FANCD2: variants seen among roughly 807,000 people sequenced by gnomAD.
The protein encoded by FANCD2 is FA complementation group D2.
Under a neutral mutation model 192.3 loss-of-function variants are expected in FANCD2, and 131 were observed. That is an observed-to-expected ratio of 0.68 (90% CI 0.59 to 0.79). The LOEUF is 0.79. Among genes scored for constraint, FANCD2 ranks in the 30% least tolerant of loss-of-function variants. FANCD2 has a pLI of 0.00. For missense variants in FANCD2, 1,508 were observed against 1,701.6 expected (o/e 0.89, Z 2.00); for synonymous variants, 524 against 612.5 (o/e 0.86, Z 2.13).
intron 7 of FANCD2, 147 bp downstream of exon 7, chr3:10,036,486 C>T (rs139107010): frequency 2.3e-5 from 15 of 638,338 alleles, no homozygotes; most frequent in South Asian, 3.4e-5. Context: ...ACTGGAGTGT[C>T]TTTGAAGTTT....
At chr3:10,050,480 G>A (rs575027732) in intron 17 of FANCD2, among the ~76,000 whole-genome samples, 8 of 151,900 alleles carry the variant, frequency 5.3e-5, no homozygotes, top group South Asian at 2.1e-4. Context: ...AAAATTAGCC[G>A]GGCATCGTGG....
rs567867231 is a variant in FANCD2 at position 10,056,130 on chromosome 3, C to T, written c.1656+3633C>T. ...CTCACCTCAGGTGATCCGCCTGCCT[C>T]GGCCTCCCAAAGTGCTAGGACTACA... On this transcript the variant is annotated intron_variant, in intron 18 of 43. Coordinates refer to ENST00000675286, the MANE Select transcript of FANCD2 (RefSeq NM_001018115.3). 4.0e-4 allele frequency among the ~76,000 whole-genome samples: 61 copies of T among 152,322 alleles called. 1 individual carries two copies. Among genetic ancestry groups the T allele is most frequent in the Admixed American group, 5.2e-4 (8 of 15,308 alleles).
intron 2 of FANCD2, among the ~76,000 whole-genome samples, chr3:10,031,514 AAAAG>A (rs1206353958): frequency 1.4e-4 from 22 of 152,004 alleles, no homozygotes; most frequent in Non-Finnish European, 2.1e-4. Flanking sequence ...AAAAAAAAAA[AAAAG>A]AAAGAGGGAG....
At chr3:10,066,465 G>A (rs2087721746) in intron 25 of FANCD2, among the ~76,000 whole-genome samples, 1 of 152,174 alleles carries the variant, frequency 6.6e-6, no homozygotes, top group Non-Finnish European at 1.5e-5. Context: ...GATACGGGCA[G>A]GATAGCTATT....
At chr3:10,079,852 G>A (rs1374886014) in intron 30 of FANCD2, among the ~76,000 whole-genome samples, 1 of 152,018 alleles carries the variant, frequency 6.6e-6, no homozygotes, top group Non-Finnish European at 1.5e-5. Flanking sequence ...CTTGGGTCTT[G>A]GGTATAAGCA....
In FANCD2 at chr3:10,070,668, C is replaced by T. The variant is rs1272591040; in HGVS notation, c.2495-2203C>T. Reference sequence around the variant, plus strand: ...TGAGAACAGGCCGGGATGACAATGGCGGTTTTGTGGAATAGAAAGGGGGGA... The same window carrying T: ...TGAGAACAGGCCGGGATGACAATGGTGGTTTTGTGGAATAGAAAGGGGGGA... On this transcript the variant is annotated intron_variant, in intron 26 of 43. Transcript: ENST00000675286. 1.1e-3 allele frequency among the ~76,000 whole-genome samples: 164 copies of T among 142,864 alleles called. 1 individual carries two copies. Among genetic ancestry groups the T allele is most frequent in the African/African-American group, 3.7e-3 (145 of 38,806 alleles). 93.7% of individuals were successfully genotyped at this position (142,864 alleles called of 152,430 possible).
intron 18 of FANCD2, among the ~76,000 whole-genome samples, chr3:10,056,961 C>T (rs1216598310): frequency 6.6e-6 from 1 of 152,012 alleles, no homozygotes; most frequent in Non-Finnish European, 1.5e-5. Context: ...CTCAAGCGAT[C>T]CTCCCATGTC....
chr3:10,055,929 A>G (rs565130846), intron 18 of FANCD2, among the ~76,000 whole-genome samples: 1 of 152,222 alleles, frequency 6.6e-6, no homozygotes, highest in South Asian at 2.1e-4. Flanking sequence ...CCCAGGCTTG[A>G]GTGCAATGGC....
intron 10 of FANCD2, 109 bp downstream of exon 10, chr3:10,041,819 A>T: frequency 2.6e-6 from 2 of 777,376 alleles, no homozygotes; most frequent in Non-Finnish European, 2.3e-6. Context: ...TTGAAACCAT[A>T]GTGAATCACA....
intron 43 of FANCD2, 43 bp downstream of exon 43, chr3:10,098,858 A>G: frequency 6.2e-7 from 1 of 1,614,186 alleles, no homozygotes; most frequent in Non-Finnish European, 8.5e-7. Flanking sequence ...TGATGGTTGC[A>G]TTTTGTTAAT....
chr3:10,033,596 C>T (rs1160206634), intron 3 of FANCD2, among the ~76,000 whole-genome samples: 1 of 151,290 alleles, frequency 6.6e-6, no homozygotes, highest in Non-Finnish European at 1.5e-5. Flanking sequence ...TTTATAAAGC[C>T]ATATAAGATT....
intron 30 of FANCD2, among the ~76,000 whole-genome samples, chr3:10,080,710 G>A (rs769813552): frequency 3.3e-5 from 5 of 152,194 alleles, no homozygotes; most frequent in Non-Finnish European, 7.3e-5. Context: ...ATTCAAGGCT[G>A]CAGTGAGCTG....
rs1188790395 is a variant in FANCD2 at position 10,043,516 on chromosome 3, G to T, written c.1022G>T (p.Ser341Ile). ...SSGNQESSGQSCIILLFDVIK... is the reference protein window; with the variant it reads ...SSGNQESSGQICIILLFDVIK... ...GGAAATCAAGAAAGCAGCGGTCAGA[G>T]CTGTATTATTCTCCTCTTTGATGTA... The change falls in exon 13 of 44, where the codon AGC (serine) becomes ATC (isoleucine). Residue 341 changes from serine (S) to isoleucine (I), a missense_variant. By Grantham distance (142) the Ser-to-Ile change is moderately radical. Coordinates refer to ENST00000675286, the MANE Select transcript of FANCD2 (RefSeq NM_001018115.3). The T allele has an allele frequency of 1.2e-6, 2 of 1,613,894 alleles. No individual in the cohort carries two copies. The highest frequency in any genetic ancestry group is 1.7e-6 in the Non-Finnish European group (2 of 1,179,806).
chr3:10,048,272 C>T (rs2087087798), intron 16 of FANCD2, among the ~76,000 whole-genome samples: 1 of 152,224 alleles, frequency 6.6e-6, no homozygotes, highest in South Asian at 2.1e-4. Flanking sequence ...AATTAAGATC[C>T]AGATCTAGTC....
chr3:10,027,902 C>G (rs758130998), intron 1 of FANCD2, among the ~76,000 whole-genome samples: 3 of 77,430 alleles, frequency 3.9e-5, no homozygotes, highest in African/African-American at 9.0e-5. Flanking sequence ...GAGACTCCGT[C>G]TCAAAAAAAA....
chr3:10,041,751 C>A, intron 10 of FANCD2, 41 bp downstream of exon 10: 1 of 1,392,756 alleles, frequency 7.2e-7, no homozygotes, highest in Non-Finnish European at 1.0e-6. Flanking sequence ...GCCAGCTTTC[C>A]AACCTCCCAG....
Position 10,101,337 on chromosome 3 carries a change from C to A in FANCD2, c.*75C>A. On this transcript the variant is annotated 3_prime_UTR_variant, in exon 44 of 44. Coordinates refer to ENST00000675286, the MANE Select transcript of FANCD2 (RefSeq NM_001018115.3). ...ATTTTGTGTTAGAGTTTGAAATCCG[C>A]TGTTTGCCTTTCTTACTGGTAGGAT... The A allele has an allele frequency of 1.9e-6, 2 of 1,026,568 alleles. No homozygotes were observed. The highest frequency in any genetic ancestry group is 3.1e-6 in the Non-Finnish European group (2 of 653,056). 63.6% of individuals were successfully genotyped at this position (1,026,568 alleles called of 1,614,324 possible).
At chr3:10,078,573 C>G (rs998976375) in intron 30 of FANCD2, among the ~76,000 whole-genome samples, 7 of 149,958 alleles carry the variant, frequency 4.7e-5, no homozygotes, top group Non-Finnish European at 1.0e-4. Flanking sequence ...CCAGGATGGT[C>G]TCAATCTCCT....
chr3:10,041,199 C>CTTAT, intron 9 of FANCD2: 1 of 231,586 alleles, frequency 4.3e-6, no homozygotes, highest in South Asian at 5.7e-5. Flanking sequence ...GACCCTGTCT[C>CTTAT]AAAAAACAAA....
Sources: gnomAD v4.1 joint callset for allele counts (sites outside exome capture counted in the v4.1 genomes callset) on GRCh38, gnomAD v4.1.1 for gene constraint, MANE v1.5 for transcripts, NCBI Gene and HGNC (gene_info 2026-07-23, HGNC 2026-07-21) for gene names.